KLHL2: variants seen among roughly 807,000 people sequenced by gnomAD.
KLHL2 encodes kelch-like protein 2.
A neutral mutation model predicts 75.8 loss-of-function variants in KLHL2; 15 were observed. That is an observed-to-expected ratio of 0.20 (90% CI 0.13 to 0.30). KLHL2 has a LOEUF of 0.30. KLHL2 is among the 10% of genes least tolerant of loss of function. The probability of loss-of-function intolerance (pLI) is 1.00; values close to 1 mark genes in which losing one functional copy is unlikely to be tolerated. For synonymous variants in KLHL2, 214 were observed against 251.9 expected (o/e 0.85, Z 1.42); for missense variants, 381 against 741.0 (o/e 0.51, Z 5.64).
chr4:165,318,795 AT>A (rs1329091149), intron 14 of KLHL2, among the ~76,000 whole-genome samples: 1 of 151,712 alleles, frequency 6.6e-6, no homozygotes, highest in African/African-American at 2.4e-5. Flanking sequence ...TGTTGGAAAA[AT>A]TTTTTTGGAG....
intron 2 of KLHL2, among the ~76,000 whole-genome samples, chr4:165,225,787 G>A (rs1243450169): frequency 1.3e-5 from 2 of 152,152 alleles, no homozygotes; most frequent in African/African-American, 4.8e-5. Flanking sequence ...TTTAAAATAT[G>A]TTATTACTGA....
In KLHL2 at chr4:165,276,260, C is replaced by G. The variant is rs548018285; in HGVS notation, c.544+12901C>G. 5.9e-5 allele frequency among the ~76,000 whole-genome samples: 9 copies of G among 152,336 alleles called. No homozygotes were observed. In the South Asian group the frequency reaches 1.5e-3, roughly 25 times the overall value. ...GCGGTAGTAACTACTTTACCCAGGC[C>G]TGTTCAGGCACCCCTCACTGTCCAG... is the stretch of plus-strand genomic sequence containing the variant. On this transcript the variant is annotated intron_variant, in intron 5 of 14. Transcript: ENST00000226725.
intron 4 of KLHL2, among the ~76,000 whole-genome samples, chr4:165,250,202 A>G (rs1226727236): frequency 6.6e-6 from 1 of 152,156 alleles, no homozygotes; most frequent in Non-Finnish European, 1.5e-5. Flanking sequence ...TTACAGTCAT[A>G]TTCCAGATCT....
chr4:165,283,193 C>T (rs1009619056), intron 5 of KLHL2, among the ~76,000 whole-genome samples: 1 of 152,154 alleles, frequency 6.6e-6, no homozygotes, highest in African/African-American at 2.4e-5. Context: ...TATCATTCCA[C>T]CTCTGGCCCC....
chr4:165,318,886 CAT>C (rs1746771821), intron 14 of KLHL2, among the ~76,000 whole-genome samples: 1 of 152,100 alleles, frequency 6.6e-6, no homozygotes. Flanking sequence ...ATTATGAACA[CAT>C]AAAATATACG....
chr4:165,263,802 A>ATTTTTTTTTTTT (rs1313576886), intron 5 of KLHL2, among the ~76,000 whole-genome samples: 2 of 93,532 alleles, frequency 2.1e-5, no homozygotes, highest in African/African-American at 3.5e-5. Flanking sequence ...GATTTTTTAC[A>ATTTTTTTTTTTT]TTGTTTTTTT....
chr4:165,275,954 C>T (rs1180109301), intron 5 of KLHL2, among the ~76,000 whole-genome samples: 1 of 145,200 alleles, frequency 6.9e-6, no homozygotes, highest in Non-Finnish European at 1.5e-5. Flanking sequence ...AACCAGGTCT[C>T]TACTAAAAAT....
chr4:165,216,672 C>T (rs1737561939), intron 1 of KLHL2, among the ~76,000 whole-genome samples: 1 of 152,108 alleles, frequency 6.6e-6, no homozygotes, highest in Admixed American at 6.6e-5. Flanking sequence ...TAGTTTTAGA[C>T]ATTATGCATC....
At chr4:165,262,265 A>G (rs934550721) in intron 4 of KLHL2, among the ~76,000 whole-genome samples, 39 of 152,234 alleles carry the variant, frequency 2.6e-4, no homozygotes, top group African/African-American at 9.4e-4. Context: ...AAAAGTTATT[A>G]GATAATCACC....
At chr4:165,228,675 C>T in intron 2 of KLHL2, 132 bp from the exon 3 acceptor site, 1 of 595,644 alleles carries the variant, frequency 1.7e-6, no homozygotes. Flanking sequence ...GGATCATGTC[C>T]CAAAGGATGG....
Position 165,294,409 on chromosome 4 carries a change from A to G in KLHL2, c.595A>G (p.Ile199Val). 6.2e-7 allele frequency: 1 copy of G among 1,612,396 alleles called. No individual in the cohort carries two copies. The highest frequency in any genetic ancestry group is 1.7e-4 in the Middle Eastern group (1 of 6,058). The change falls in exon 6 of 15, where the codon ATC becomes GTC. Residue 199 changes from isoleucine to valine, a missense_variant. By Grantham distance (29) the Ile-to-Val change is conservative. Around this residue, in one of 5 missense-constraint regions of KLHL2, gnomAD observed 111 missense variants for 150.1 expected, o/e 0.74. Transcript: ENST00000226725. ...TAGTGAAGAATTTCTCAATCTTGGCATCGAACAAGTGTGCAGCTTAATCTC... is the reference window on the plus strand; with the variant it reads ...TAGTGAAGAATTTCTCAATCTTGGCGTCGAACAAGTGTGCAGCTTAATCTC... Reference protein sequence around the residue: ...VLSEEFLNLGIEQVCSLISSD... With the variant: ...VLSEEFLNLGVEQVCSLISSD...
At chr4:165,286,194 C>T (rs1355422797) in intron 5 of KLHL2, among the ~76,000 whole-genome samples, 1 of 152,010 alleles carries the variant, frequency 6.6e-6, no homozygotes, top group Non-Finnish European at 1.5e-5. Flanking sequence ...AGGTAAGTGG[C>T]CCAAGGTAGT....
intron 8 of KLHL2, among the ~76,000 whole-genome samples, chr4:165,303,377 A>G (rs957657639): frequency 2.6e-5 from 4 of 152,054 alleles, no homozygotes; most frequent in Non-Finnish European, 5.9e-5. Flanking sequence ...TTCATCAGAT[A>G]TATCATCTAA....
chr4:165,289,782 G>C (rs1265616866), intron 5 of KLHL2, among the ~76,000 whole-genome samples: 1 of 152,118 alleles, frequency 6.6e-6, no homozygotes, highest in Non-Finnish European at 1.5e-5. Context: ...TTTCTGGTCA[G>C]TGAAGCAGAG....
At position 165,207,694 on chromosome 4, in the gene KLHL2, C is replaced by T. The variant is rs1265576240; in HGVS notation, c.-183C>T. On this transcript the variant is annotated 5_prime_UTR_variant, in exon 1 of 15. Coordinates refer to ENST00000226725, the MANE Select transcript of KLHL2 (RefSeq NM_007246.4). This position sits in a 1 kb window ranked among gnomAD's most constrained non-coding sequence, Gnocchi z 4.2. ...CGCGCAGTAGACGGAGCGCGCCCGGCCGAGCGGGCCATGGCCGCGGGGGCC... is the reference window on the plus strand; with the variant it reads ...CGCGCAGTAGACGGAGCGCGCCCGGTCGAGCGGGCCATGGCCGCGGGGGCC... 2 of 206,056 alleles carry T rather than the reference C, an allele frequency of 9.7e-6. No individual in the cohort carries two copies. Among genetic ancestry groups the T allele is most frequent in the Non-Finnish European group, 1.8e-5 (2 of 111,132 alleles). The allele number at this position is 206,056 out of a possible 1,614,324, so 12.8% of individuals were successfully genotyped here.
In KLHL2 at chr4:165,263,231, A is replaced by G. The variant is rs968492041; in HGVS notation, c.416A>G (p.Gln139Arg). Reference sequence around the variant, plus strand: ...CCAGCAGCTGGTCTCTTACAGTTACAGGATGTGAAGAAGACTTGTTGTGAA... The same window carrying G: ...CCAGCAGCTGGTCTCTTACAGTTACGGGATGTGAAGAAGACTTGTTGTGAA... ...LLPAAGLLQLQDVKKTCCEFL... is the reference protein window; with the variant it reads ...LLPAAGLLQLRDVKKTCCEFL... The change falls in exon 5 of 15, where the codon CAG (glutamine) becomes CGG (arginine). Residue 139 changes from glutamine (Q) to arginine (R), a missense_variant. Physicochemically the swap from Gln to Arg is conservative, Grantham distance 43 (BLOSUM62 1). Coordinates refer to ENST00000226725, the MANE Select transcript of KLHL2 (RefSeq NM_007246.4). 1 of 1,614,054 alleles carries G rather than the reference A, an allele frequency of 6.2e-7. No homozygotes were observed. The highest frequency in any genetic ancestry group is 1.7e-5 in the Admixed American group (1 of 59,984).
At chr4:165,240,028 G>T (rs1739687658) in intron 4 of KLHL2, among the ~76,000 whole-genome samples, 1 of 152,110 alleles carries the variant, frequency 6.6e-6, no homozygotes, top group African/African-American at 2.4e-5. Flanking sequence ...TAAAAACAGT[G>T]CAATGAGTGA....
At chr4:165,236,313 A>T (rs187674566) in intron 3 of KLHL2, among the ~76,000 whole-genome samples, 58 of 152,366 alleles carry the variant, frequency 3.8e-4, no homozygotes, top group African/African-American at 1.3e-3. Flanking sequence ...TATAATCTCT[A>T]TAGAGACTAT....
At chr4:165,306,421 T>C (rs531854754) in intron 9 of KLHL2, among the ~76,000 whole-genome samples, 37 of 152,364 alleles carry the variant, frequency 2.4e-4, no homozygotes, top group Non-Finnish European at 4.3e-4. Context: ...CAAATGTTTT[T>C]AATCTTAATG....
Sources: gnomAD v4.1 joint callset for allele counts (sites outside exome capture counted in the v4.1 genomes callset) on GRCh38, gnomAD v4.1.1 for gene constraint, gnomAD v4.1.1 regional missense constraint, Gnocchi (gnomAD v3.1) non-coding constraint, MANE v1.5 for transcripts, NCBI Gene and HGNC (gene_info 2026-07-23, HGNC 2026-07-21) for gene names.